The following ZCCHC24 variants were observed in gnomAD, a reference collection of about 807,000 sequenced individuals.
ZCCHC24 encodes the protein zinc finger CCHC domain-containing protein 24.
A neutral mutation model predicts 26.2 loss-of-function variants in ZCCHC24; 10 were observed. The ratio of observed to expected loss-of-function variants is 0.38; its 90% confidence interval spans 0.24 to 0.65. The LOEUF (loss-of-function observed/expected upper bound fraction) is 0.65, where lower values mean the gene tolerates loss of function less well. ZCCHC24 is among the 30% of genes least tolerant of loss of function. The probability of loss-of-function intolerance (pLI) is 0.54; values close to 1 mark genes in which losing one functional copy is unlikely to be tolerated. For synonymous variants in ZCCHC24, 144 were observed against 147.1 expected, an observed-to-expected ratio of 0.98 and a Z score of 0.15; for missense variants, 243 against 329.1, an observed-to-expected ratio of 0.74 and a Z score of 2.03.
intron 2 of ZCCHC24, among the ~76,000 whole-genome samples, chr10:79,413,110 C>T (rs1359929995): frequency 6.6e-6 from 1 of 152,234 alleles, no homozygotes; most frequent in Non-Finnish European, 1.5e-5. Flanking sequence ...AGCCACTCAT[C>T]CAAAATGGGT....
rs1856348585 is a variant in ZCCHC24, at chr10:79,383,429, A to C, written c.*2916T>G. ...CAAAGCATAGTAAAAAACAAACAAA[A>C]ACCAACCAAAAACCCAATAACGGGA... On this transcript the variant is annotated 3_prime_UTR_variant, in exon 4 of 4. Coordinates refer to ENST00000372336, the MANE Select transcript of ZCCHC24 (RefSeq NM_153367.4). 6.6e-6 allele frequency: 1 copy of C among 152,452 alleles called. No individual in the cohort carries two copies. Among genetic ancestry groups the C allele is most frequent in the Non-Finnish European group, 1.5e-5 (1 of 68,038 alleles). The allele number at this position is 152,452 out of a possible 1,614,324, so 9.4% of individuals were successfully genotyped here. A position where few individuals can be genotyped will look rare whatever the true frequency, so the allele number is the denominator to read the frequency against.
Position 79,390,811 on chromosome 10 carries a change from G to A in ZCCHC24, c.612+3465C>T, listed in dbSNP as rs905553543. Among the ~76,000 whole-genome samples the A allele has an allele frequency of 2.0e-5, 3 of 152,194 alleles. No individual in the cohort carries two copies. In the East Asian group the frequency reaches 5.8e-4, roughly 29 times the overall value. On this transcript the variant is annotated intron_variant, in intron 3 of 3. Coordinates refer to ENST00000372336, the MANE Select transcript of ZCCHC24 (RefSeq NM_153367.4). ...CTGGAGGCCGACAGGAAGCAGATGT[G>A]GCGGCCAGGAGAGTGGGGAAGTGGG... is the stretch of plus-strand genomic sequence containing the variant.
chr10:79,445,109 G>A (rs1165579277), intron 1 of ZCCHC24, 86 bp downstream of exon 1: 8 of 1,189,928 alleles, frequency 6.7e-6, no homozygotes, highest in Non-Finnish European at 8.5e-6. Flanking sequence ...GCCAGGCCAG[G>A]AAGAGCGGGT....
intron 1 of ZCCHC24, among the ~76,000 whole-genome samples, chr10:79,440,818 G>A (rs1376374012): frequency 5.3e-5 from 8 of 152,160 alleles, no homozygotes; most frequent in Admixed American, 5.2e-4. Context: ...GATTACTAAT[G>A]CTGTCTGCTT....
At chr10:79,406,916 G>A (rs1375881318) in intron 2 of ZCCHC24, among the ~76,000 whole-genome samples, 2 of 152,196 alleles carry the variant, frequency 1.3e-5, no homozygotes, top group Admixed American at 1.3e-4. Context: ...CTGGCTGGTG[G>A]TACTTGTTTT....
chr10:79,423,490 G>A (rs1205218575), intron 2 of ZCCHC24, among the ~76,000 whole-genome samples: 1 of 148,916 alleles, frequency 6.7e-6, no homozygotes, highest in Admixed American at 6.7e-5. Context: ...GGTAGAGCTT[G>A]CAGTGAGCTG....
chr10:79,401,664 GA>G (rs932946126), intron 2 of ZCCHC24, among the ~76,000 whole-genome samples: 1 of 152,230 alleles, frequency 6.6e-6, no homozygotes, highest in Non-Finnish European at 1.5e-5. Context: ...CCCATCTCCA[GA>G]ATGAGAGGTT....
At chr10:79,386,708 T>G (rs1304391244) in intron 3 of ZCCHC24, among the ~76,000 whole-genome samples, 4 of 152,100 alleles carry the variant, frequency 2.6e-5, no homozygotes, top group Non-Finnish European at 2.9e-5. Context: ...GCCGGGGCCC[T>G]CCTCCTGAGC....
Position 79,445,419 on chromosome 10 carries a change from C to G in ZCCHC24, c.22G>C (p.Asp8His). The change falls in exon 1 of 4, where the codon GAC (aspartate) becomes CAC (histidine). Residue 8 changes from aspartate (D) to histidine (H), a missense_variant. Asp to His is a moderately conservative substitution (Grantham distance 81). Around this residue, in one of 2 missense-constraint regions of ZCCHC24, gnomAD observed 147 missense variants for 150.8 expected, o/e 0.97. Coordinates refer to ENST00000372336, the MANE Select transcript of ZCCHC24 (RefSeq NM_153367.4). The stretch of plus-strand genomic sequence containing the variant: ...TGGTACACCGAGGCGGCGCTCGTGT[C>G]GATGGCCGACAGCAGGCTCATTTTG... MSLLSAI[D>H]TSAASVYQPA... 1 of 1,483,028 alleles carries G rather than the reference C, an allele frequency of 6.7e-7. No individual in the cohort carries two copies. 91.9% of individuals were successfully genotyped at this position (1,483,028 alleles called of 1,614,324 possible).
At chr10:79,387,954 C>T (rs761590190) in intron 3 of ZCCHC24, among the ~76,000 whole-genome samples, 2 of 152,162 alleles carry the variant, frequency 1.3e-5, no homozygotes, top group African/African-American at 2.4e-5. Flanking sequence ...GAGGGAAAGA[C>T]AGGCACGTCA....
rs1201819628 is a variant in ZCCHC24, at chr10:79,423,589, A to ATATTTTATATATATATATATATATATTT, written c.447+8968_447+8969insAAATATATATATATATATATATAAAATA. 1.8e-4 allele frequency among the ~76,000 whole-genome samples: 17 copies of ATATTTTATATATATATATATATATATTT among 93,116 alleles called. No individual in the cohort carries two copies. The East Asian group carries it at 2.4e-3, about 13-fold the overall frequency. The allele number at this position is 93,116 out of a possible 152,430, so 61.1% of individuals were successfully genotyped here. ...CAAACAAAATATATATACTATATAT[A>ATATTTTATATATATATATATATATATTT]TATATATATATATATATATATTTTC... On this transcript the variant is annotated intron_variant, in intron 2 of 3. Transcript: ENST00000372336.
chr10:79,439,631 C>A (rs1040013574), intron 1 of ZCCHC24, among the ~76,000 whole-genome samples: 1 of 152,032 alleles, frequency 6.6e-6, no homozygotes, highest in Non-Finnish European at 1.5e-5. Flanking sequence ...TTCAGACATG[C>A]TTTACAAAAA....
At position 79,385,308 on chromosome 10, in the gene ZCCHC24, A is replaced by G. The variant is rs1856373389; in HGVS notation, c.*1037T>C. 1 of 152,276 alleles carries G rather than the reference A, an allele frequency of 6.6e-6. No individual in the cohort carries two copies. 9.4% of individuals were successfully genotyped at this position (152,276 alleles called of 1,614,324 possible). A position where few individuals can be genotyped will look rare whatever the true frequency, so the allele number is the denominator to read the frequency against. On this transcript the variant is annotated 3_prime_UTR_variant, in exon 4 of 4. Coordinates refer to ENST00000372336, the MANE Select transcript of ZCCHC24 (RefSeq NM_153367.4). This position sits in a 1 kb window ranked among gnomAD's most constrained non-coding sequence, Gnocchi z 4.3. ...GAAACTCCCCAAATAAAGCTCCAGG[A>G]CACAGCACCGGCCAGCCTGAATCCC...
In ZCCHC24 at chr10:79,386,211, GC is replaced by G; in HGVS notation, c.*133del. 3 of 733,142 alleles carry G rather than the reference GC, an allele frequency of 4.1e-6. No homozygotes were observed. The highest frequency in any genetic ancestry group is 1.6e-5 in the South Asian group (1 of 61,784). The allele number at this position is 733,142 out of a possible 1,614,324, so 45.4% of individuals were successfully genotyped here. On this transcript the variant is annotated 3_prime_UTR_variant, in exon 4 of 4. Transcript: ENST00000372336. ...CACACACAAGACAAGGACGCTAAGA[GC>G]CCCCGGCCCAGCCCCGCAGGCCTGC...
chr10:79,407,557 C>T (rs1404430574), intron 2 of ZCCHC24, among the ~76,000 whole-genome samples: 1 of 152,212 alleles, frequency 6.6e-6, no homozygotes, highest in East Asian at 1.9e-4. Flanking sequence ...GTCTCAAATG[C>T]CTGGGCGGTG....
rs200348519 is a variant in ZCCHC24, at chr10:79,430,669, A to ACACT, written c.447+1885_447+1888dup. Among the ~76,000 whole-genome samples, 63 of 107,874 alleles carry ACACT rather than the reference A, an allele frequency of 5.8e-4. No homozygotes were observed. The South Asian group carries it at 8.7e-3, about 15-fold the overall frequency. The allele number at this position is 107,874 out of a possible 152,430, so 70.8% of individuals were successfully genotyped here. A position where few individuals can be genotyped will look rare whatever the true frequency, so the allele number is the denominator to read the frequency against. Reference sequence around the variant, plus strand: ...GAGGATGGTGCATGCATGTGCACATACACTCACACACACACACCACACACA... The same window carrying ACACT: ...GAGGATGGTGCATGCATGTGCACATACACTCACTCACACACACACACCACACACA... On this transcript the variant is annotated intron_variant, in intron 2 of 3. Coordinates refer to ENST00000372336, the MANE Select transcript of ZCCHC24 (RefSeq NM_153367.4).
At chr10:79,391,606 G>GGGCT (rs1357244775) in intron 3 of ZCCHC24, among the ~76,000 whole-genome samples, 1 of 151,818 alleles carries the variant, frequency 6.6e-6, no homozygotes, top group Non-Finnish European at 1.5e-5. Flanking sequence ...TGCAGAAACT[G>GGGCT]GGCTGTTCCT....
chr10:79,423,587 A>ATATATATATATATAG (rs1856980974), intron 2 of ZCCHC24, among the ~76,000 whole-genome samples: 1 of 112,790 alleles, frequency 8.9e-6, no homozygotes, highest in African/African-American at 3.2e-5. Flanking sequence ...TATACTATAT[A>ATATATATATATATAG]TATATATATA....
chr10:79,389,532 G>C (rs1856445090), intron 3 of ZCCHC24, among the ~76,000 whole-genome samples: 1 of 60,340 alleles, frequency 1.7e-5, no homozygotes, highest in African/African-American at 6.4e-5. Flanking sequence ...TTTTCCTAGT[G>C]TGTGTGTGTG....
Sources: gnomAD v4.1 joint callset for allele counts (sites outside exome capture counted in the v4.1 genomes callset) on GRCh38, gnomAD v4.1.1 for gene constraint, gnomAD v4.1.1 regional missense constraint, Gnocchi (gnomAD v3.1) non-coding constraint, MANE v1.5 for transcripts, NCBI Gene and HGNC (gene_info 2026-07-23, HGNC 2026-07-21) for gene names.